NUP98: variants seen among roughly 807,000 people sequenced by gnomAD.
The protein encoded by NUP98 is nucleoporin 98 and 96 precursor.
In NUP98, 26 loss-of-function variants were observed where a neutral mutation model predicts 191.9. That is an observed-to-expected ratio of 0.14 (90% confidence interval 0.10 to 0.19). The LOEUF (loss-of-function observed/expected upper bound fraction) is 0.19. Among genes scored for constraint, NUP98 ranks in the 10% least tolerant of loss-of-function variants. The pLI is 1.00. For synonymous variants in NUP98, 808 were observed against 778.4 expected (o/e 1.04, Z -0.63); for missense variants, 1,941 against 2,178.8 (o/e 0.89, Z 2.17).
In NUP98 at chr11:3,702,721, G is replaced by A. The variant is rs201649853; in HGVS notation, c.3254C>T (p.Pro1085Leu). The A allele has an allele frequency of 6.2e-7, 1 of 1,614,190 alleles. No homozygotes were observed. The highest frequency in any genetic ancestry group is 8.5e-7 in the Non-Finnish European group (1 of 1,180,034). ...TSVFTMPSPA[P>L]EVPLKTVGTR... ...ACCCACTGTTTTCAACGGAACCTCA[G>A]GGGCTGGGCTGGGCATTGTGAACAC... Residue 1085 changes from proline to leucine, a missense_variant, in exon 23 of 33, where the codon CCT becomes CTT. Transcript: ENST00000324932.
At chr11:3,743,969 G>C (rs904202866) in intron 12 of NUP98, among the ~76,000 whole-genome samples, 1 of 152,218 alleles carries the variant, frequency 6.6e-6, no homozygotes, top group African/African-American at 2.4e-5. Context: ...TGAGGCAGAA[G>C]AATCACTTGA....
chr11:3,722,231 G>C (rs1253990754), intron 16 of NUP98, among the ~76,000 whole-genome samples: 1 of 149,536 alleles, frequency 6.7e-6, no homozygotes, highest in African/African-American at 2.5e-5. Flanking sequence ...TCCCACCTCA[G>C]CTTCCGTAGT....
intron 13 of NUP98, 42 bp downstream of exon 13, chr11:3,735,149 T>A: frequency 6.6e-7 from 1 of 1,506,670 alleles, no homozygotes; most frequent in Non-Finnish European, 8.9e-7. Flanking sequence ...TCAGTTTCTC[T>A]TTCTTTGATA....
intron 14 of NUP98, among the ~76,000 whole-genome samples, chr11:3,728,620 T>A (rs2079712842): frequency 6.6e-6 from 1 of 152,026 alleles, no homozygotes; most frequent in African/African-American, 2.4e-5. Flanking sequence ...GCGCCTGTAG[T>A]CCCAGCTACT....
chr11:3,758,691 A>G (rs2081061222), intron 10 of NUP98, among the ~76,000 whole-genome samples: 1 of 152,132 alleles, frequency 6.6e-6, no homozygotes, highest in East Asian at 1.9e-4. Flanking sequence ...AGGCCGAGAC[A>G]GGAAAATCAC....
rs71302029 is a variant in NUP98 at position 3,778,198 on chromosome 11, C to CAAAAAA, written c.355+669_355+674dup. ...TGGGTGACAGAGCGAGACTCCATCT[C>CAAAAAA]AAAAAAAAAAAAAAAAAAAAAAGAA... On this transcript the variant is annotated intron_variant, in intron 4 of 32. Coordinates refer to ENST00000324932, the MANE Select transcript of NUP98 (RefSeq NM_016320.5). 3.6e-4 allele frequency among the ~76,000 whole-genome samples: 22 copies of CAAAAAA among 60,444 alleles called. 1 individual carries two copies. The highest frequency in any genetic ancestry group is 7.4e-4 in the South Asian group (1 of 1,360). The allele number at this position is 60,444 out of a possible 152,430, so 39.7% of individuals were successfully genotyped here. A position where few individuals can be genotyped will look rare whatever the true frequency, so the allele number is the denominator to read the frequency against.
At chr11:3,683,546 T>C (rs76318032) in intron 29 of NUP98, 105 bp from the exon 30 acceptor site, 1 of 3,390 alleles carries the variant, frequency 2.9e-4, no homozygotes, top group East Asian at 0.071. Flanking sequence ...ACTGCAGGTC[T>C]TTTTTTTTTT....
In NUP98 at chr11:3,700,807, T is replaced by C; in HGVS notation, c.3545A>G (p.Glu1182Gly). The C allele has an allele frequency of 6.2e-7, 1 of 1,614,102 alleles. No individual in the cohort carries two copies. Among genetic ancestry groups the C allele is most frequent in the Non-Finnish European group, 8.5e-7 (1 of 1,179,970 alleles). The stretch of plus-strand genomic sequence containing the variant: ...CTTTCTTTGTCTCAAACTGAGTTTT[T>C]CTAAGTGAACTTTGAATGGGGACTC... The part of the protein sequence containing the change: ...LTESPFKVHL[E>G]KLSLRQRKPD... Residue 1182 changes from glutamate (E) to glycine (G), a missense_variant, in exon 24 of 33, where the codon GAA (glutamate) becomes GGA (glycine). This residue lies in a region of NUP98 where 1,030 missense variants were observed against 1,115.8 expected (regional missense o/e 0.92). Transcript: ENST00000324932.
chr11:3,779,509 C>T (rs573027617), intron 2 of NUP98, among the ~76,000 whole-genome samples: 2 of 152,064 alleles, frequency 1.3e-5, no homozygotes, highest in East Asian at 3.9e-4. Context: ...GGCGTGGTGG[C>T]ACATGCCTAT....
chr11:3,795,403 G>A (rs1029815183), intron 1 of NUP98, among the ~76,000 whole-genome samples: 1 of 152,100 alleles, frequency 6.6e-6, no homozygotes, highest in South Asian at 2.1e-4. Flanking sequence ...CCGAGATTGC[G>A]CCACTGCACT....
intron 1 of NUP98, among the ~76,000 whole-genome samples, chr11:3,791,219 T>C (rs925571614): frequency 8.5e-5 from 13 of 152,132 alleles, no homozygotes; most frequent in East Asian, 1.9e-4. Context: ...CAAAGAATGA[T>C]TGACAAACTA....
intron 16 of NUP98, 27 bp from the exon 17 acceptor site, chr11:3,720,852 GA>G (rs762750507): frequency 2.1e-4 from 125 of 601,914 alleles, no homozygotes; most frequent in Middle Eastern, 6.0e-4. Flanking sequence ...AAAAAAAACA[GA>G]AAAAAAAATA....
At chr11:3,763,768 G>C (rs1325184456) in intron 8 of NUP98, among the ~76,000 whole-genome samples, 4 of 152,018 alleles carry the variant, frequency 2.6e-5, no homozygotes, top group African/African-American at 7.2e-5. Flanking sequence ...GGCTGGTCAC[G>C]AACTCCTGAC....
At chr11:3,752,069 G>A (rs1489530904) in intron 11 of NUP98, among the ~76,000 whole-genome samples, 7 of 151,144 alleles carry the variant, frequency 4.6e-5, no homozygotes, top group African/African-American at 9.7e-5. Flanking sequence ...CCAGCTACTC[G>A]GGAAGTGGAG....
chr11:3,709,573 C>T (rs1453516370), intron 20 of NUP98, among the ~76,000 whole-genome samples: 1 of 151,074 alleles, frequency 6.6e-6, no homozygotes. Context: ...GGCATGATGG[C>T]ATGCACCTGC....
intron 6 of NUP98, 62 bp from the exon 7 acceptor site, chr11:3,771,990 G>GCCTC: frequency 2.2e-6 from 3 of 1,376,586 alleles, no homozygotes; most frequent in African/African-American, 1.4e-5. Context: ...TATTTAGGAG[G>GCCTC]CTAAATACTT....
chr11:3,773,168 G>A (rs1213222914), intron 6 of NUP98, among the ~76,000 whole-genome samples: 1 of 152,194 alleles, frequency 6.6e-6, no homozygotes, highest in Non-Finnish European at 1.5e-5. Flanking sequence ...TTGGGAGGCT[G>A]AGGAAGAAAA....
At chr11:3,718,799 G>C (rs2079280754) in intron 18 of NUP98, among the ~76,000 whole-genome samples, 1 of 152,144 alleles carries the variant, frequency 6.6e-6, no homozygotes, top group Non-Finnish European at 1.5e-5. Flanking sequence ...ATTAAAAAGA[G>C]TTTTTGAAAT....
In NUP98 at chr11:3,779,216, A is replaced by G; in HGVS notation, c.118T>C (p.Ser40Pro). Residue 40 changes from serine to proline, a missense_variant, in exon 3 of 33, where the codon TCT becomes CCT. Physicochemically the swap from Ser to Pro is moderately conservative, Grantham distance 74. This residue lies in a region of NUP98 where 154 missense variants were observed against 182.9 expected (regional missense o/e 0.84). Transcript: ENST00000324932. ...GTTSGGAFGT[S>P]AFGSSNNTGG... is the part of the protein sequence containing the mutation. ...GTATTGTTGCTAGAACCAAATGCAG[A>G]TGTTCCAAATGCCCCTCCACTAGTA... 1 of 1,614,226 alleles carries G rather than the reference A, an allele frequency of 6.2e-7. No homozygotes were observed. Among genetic ancestry groups the G allele is most frequent in the Non-Finnish European group, 8.5e-7 (1 of 1,180,022 alleles).
Sources: gnomAD v4.1 joint callset for allele counts (sites outside exome capture counted in the v4.1 genomes callset) on GRCh38, gnomAD v4.1.1 for gene constraint, gnomAD v4.1.1 regional missense constraint, MANE v1.5 for transcripts, NCBI Gene and HGNC (gene_info 2026-07-23, HGNC 2026-07-21) for gene names.